SPECC1L: variants seen among roughly 807,000 people sequenced by gnomAD.
SPECC1L encodes sperm antigen with calponin homology and coiled-coil domains 1 like.
A neutral mutation model predicts 116.8 loss-of-function variants in SPECC1L; 40 were observed. That is an observed-to-expected ratio of 0.34 (90% CI 0.27 to 0.45). The LOEUF is 0.45. Among genes scored for constraint, SPECC1L ranks in the 20% least tolerant of loss-of-function variants. The pLI is 1.00. For missense variants in SPECC1L, 1,110 were observed against 1,373.6 expected, an observed-to-expected ratio of 0.81 and a Z score of 3.03; for synonymous variants, 504 against 500.6, an observed-to-expected ratio of 1.01 and a Z score of -0.09.
chr22:24,378,647 T>TA (rs2042011879), intron 14 of SPECC1L, among the ~76,000 whole-genome samples: 1 of 152,188 alleles, frequency 6.6e-6, no homozygotes, highest in Non-Finnish European at 1.5e-5. Flanking sequence ...GGCCTAATTT[T>TA]AATATTTTTA....
At chr22:24,380,161 G>A (rs574096979) in intron 14 of SPECC1L, among the ~76,000 whole-genome samples, 16 of 152,302 alleles carry the variant, frequency 1.1e-4, no homozygotes, top group Middle Eastern at 3.4e-3. Context: ...GTGAGCCACT[G>A]CACCTGGTCT....
chr22:24,360,532 G>A (rs1038883564), intron 11 of SPECC1L, among the ~76,000 whole-genome samples: 4 of 152,022 alleles, frequency 2.6e-5, no homozygotes, highest in African/African-American at 9.7e-5. Flanking sequence ...TTGGGCACAT[G>A]TATCAGCAAT....
rs561443495 is a variant in SPECC1L, at chr22:24,368,299, A to G, written c.2985-919A>G. 9.2e-5 allele frequency among the ~76,000 whole-genome samples: 14 copies of G among 152,294 alleles called. No homozygotes were observed. The East Asian group carries it at 1.3e-3, about 15-fold the overall frequency. ...AGGGGCCCTGTGTTGTTCACCTTCA[A>G]TTGCCTACTGCCTGCACATTGCCTG... On this transcript the variant is annotated intron_variant, in intron 13 of 16. Coordinates refer to ENST00000314328, the MANE Select transcript of SPECC1L (RefSeq NM_015330.6).
intron 14 of SPECC1L, among the ~76,000 whole-genome samples, chr22:24,385,181 C>T (rs1426082926): frequency 2.0e-5 from 3 of 151,170 alleles, no homozygotes. Flanking sequence ...TATTTTTTGA[C>T]TTTTTCAGTG....
In SPECC1L at chr22:24,363,389, G is replaced by A. The variant is rs140912068; in HGVS notation, c.2827+45G>A. ...TTTTTGTTGTATTTGTTGTTTTTTA[G>A]AGACAGGATCTCACTATGTTGCCCA... On this transcript the variant is annotated intron_variant, in intron 12 of 16. Transcript: ENST00000314328. The A allele has an allele frequency of 3.0e-3, 4,574 of 1,520,634 alleles. 8 individuals are homozygous for A. The highest frequency in any genetic ancestry group is 3.8e-3 in the Non-Finnish European group (4,131 of 1,096,058). The allele number at this position is 1,520,634 out of a possible 1,614,324, so 94.2% of individuals were successfully genotyped here. A position where few individuals can be genotyped will look rare whatever the true frequency, so the allele number is the denominator to read the frequency against.
chr22:24,395,079 C>T (rs1305314458), intron 14 of SPECC1L, among the ~76,000 whole-genome samples: 1 of 152,204 alleles, frequency 6.6e-6, no homozygotes, highest in African/African-American at 2.4e-5. Flanking sequence ...CTGCCTGCCT[C>T]AGCCTCCCAA....
At chr22:24,367,579 C>G (rs560529786) in intron 13 of SPECC1L, among the ~76,000 whole-genome samples, 3 of 152,236 alleles carry the variant, frequency 2.0e-5, no homozygotes, top group Admixed American at 6.5e-5. Context: ...AGGAATGTTA[C>G]AGGCTGGCAC....
intron 14 of SPECC1L, among the ~76,000 whole-genome samples, chr22:24,407,759 C>G (rs1043774892): frequency 2.0e-5 from 3 of 152,114 alleles, no homozygotes; most frequent in Admixed American, 6.5e-5. Flanking sequence ...GCATTTTGGA[C>G]AAGGGGACCT....
intron 2 of SPECC1L, among the ~76,000 whole-genome samples, chr22:24,297,600 C>T (rs2049292942): frequency 6.6e-6 from 1 of 152,174 alleles, no homozygotes; most frequent in African/African-American, 2.4e-5. Context: ...TATAAGTATT[C>T]ACCAGTTGCC....
chr22:24,321,772 C>A lies in SPECC1L; in HGVS notation c.792C>A (p.Asn264Lys). 1 of 1,614,172 alleles carries A rather than the reference C, an allele frequency of 6.2e-7. No homozygotes were observed. The highest frequency in any genetic ancestry group is 8.5e-7 in the Non-Finnish European group (1 of 1,180,034). The change falls in exon 5 of 17, where the codon AAC becomes AAA. Residue 264 changes from asparagine to lysine, a missense_variant. Asn to Lys is a moderately conservative substitution (Grantham distance 94). Around this residue, in one of 4 missense-constraint regions of SPECC1L, gnomAD observed 437 missense variants for 482.6 expected, o/e 0.91. Transcript: ENST00000314328. The stretch of plus-strand genomic sequence containing the variant: ...AACTCAACCAGCTGAAAAATGAAAA[C>A]AGAATGTTAAAGGACAGGTTGAATG... The part of the protein sequence containing the change: ...REELNQLKNE[N>K]RMLKDRLNAL...
intron 1 of SPECC1L, among the ~76,000 whole-genome samples, chr22:24,272,602 G>A (rs1403575707): frequency 6.6e-6 from 1 of 151,988 alleles, no homozygotes; most frequent in Non-Finnish European, 1.5e-5. Context: ...AGGAGGCAGA[G>A]GGTGCAGTGA....
In SPECC1L at chr22:24,309,855, A is replaced by G. The variant is rs143009928; in HGVS notation, c.154-3458A>G. On this transcript the variant is annotated intron_variant, in intron 3 of 16. Coordinates refer to ENST00000314328, the MANE Select transcript of SPECC1L (RefSeq NM_015330.6). ...TCCTATTCCATTTTAGGTTTTTCCT[A>G]TCTTTATTTAAATTTTATTTATTTG... Among the ~76,000 whole-genome samples the G allele has an allele frequency of 2.6e-5, 4 of 152,144 alleles. No homozygotes were observed. In the East Asian group the frequency reaches 7.7e-4, roughly 29 times the overall value.
chr22:24,365,703 T>A, intron 13 of SPECC1L, 71 bp downstream of exon 13: 1 of 1,544,556 alleles, frequency 6.5e-7, no homozygotes. Flanking sequence ...ATGATCAAGT[T>A]GTAAAATGAT....
chr22:24,298,894 C>T (rs2049319951), intron 2 of SPECC1L, among the ~76,000 whole-genome samples: 1 of 152,230 alleles, frequency 6.6e-6, no homozygotes, highest in Non-Finnish European at 1.5e-5. Context: ...TGTCTGGGCA[C>T]CCCATGATGC....
rs2146481444 is a variant in SPECC1L, at chr22:24,322,723, T to C, written c.1743T>C (p.Ala581=). ...SDQIEMNRLK[A]QLENEKQKVA... is the part of the protein sequence containing the mutation. ...AGATAGAGATGAATCGCCTGAAGGC[T>C]CAGCTGGAGAATGAAAAGCAGAAAG... The change falls in exon 5 of 17, where the codon GCT becomes GCC. Residue 581 remains alanine (A), a synonymous_variant. Coordinates refer to ENST00000314328, the MANE Select transcript of SPECC1L (RefSeq NM_015330.6). 2 of 1,588,812 alleles carry C rather than the reference T, an allele frequency of 1.3e-6. No individual in the cohort carries two copies. The highest frequency in any genetic ancestry group is 1.7e-6 in the Non-Finnish European group (2 of 1,169,046).
intron 13 of SPECC1L, among the ~76,000 whole-genome samples, chr22:24,366,862 A>T (rs1184973981): frequency 6.6e-6 from 1 of 152,202 alleles, no homozygotes; most frequent in Non-Finnish European, 1.5e-5. Context: ...TACGTTGTTT[A>T]TAGGGATGAA....
At chr22:24,294,773 C>A (rs950028282) in intron 2 of SPECC1L, among the ~76,000 whole-genome samples, 1 of 152,106 alleles carries the variant, frequency 6.6e-6, no homozygotes, top group East Asian at 1.9e-4. Context: ...ATGGAATAAA[C>A]GTTTATTGAT....
rs1486454138 is a variant in SPECC1L, at chr22:24,417,400, T to C, written c.*2777T>C. 6.6e-6 allele frequency: 1 copy of C among 152,342 alleles called. No homozygotes were observed. Among genetic ancestry groups the C allele is most frequent in the Non-Finnish European group, 1.5e-5 (1 of 68,066 alleles). 9.4% of individuals were successfully genotyped at this position (152,342 alleles called of 1,614,324 possible). ...CCCTACCCCAAGGCGCACTTCCTCA[T>C]GTGGGCAGATCCTGACCAGGAGTCC... is the stretch of plus-strand genomic sequence containing the variant. On this transcript the variant is annotated 3_prime_UTR_variant, in exon 17 of 17. Coordinates refer to ENST00000314328, the MANE Select transcript of SPECC1L (RefSeq NM_015330.6).
chr22:24,343,894 G>A (rs952355619), intron 10 of SPECC1L, among the ~76,000 whole-genome samples: 1 of 152,136 alleles, frequency 6.6e-6, no homozygotes, highest in Non-Finnish European at 1.5e-5. Flanking sequence ...TGAATGAGGA[G>A]TATATGGGAC....
Sources: allele counts gnomAD v4.1 joint callset (sites outside exome capture counted in the v4.1 genomes callset), GRCh38; gene constraint gnomAD v4.1.1; regional missense constraint gnomAD v4.1.1; transcripts MANE v1.5; gene names NCBI Gene and HGNC (gene_info 2026-07-23, HGNC 2026-07-21).